Variants in KCNIP4 observed in about 807,000 individuals in gnomAD.
The protein encoded by KCNIP4 is potassium voltage-gated channel interacting protein 4.
A neutral mutation model predicts 34.0 loss-of-function variants in KCNIP4; 12 were observed. The observed-to-expected ratio is 0.35, with a 90% confidence interval of 0.23 to 0.57. KCNIP4 has a LOEUF of 0.57. Ranked by LOEUF, KCNIP4 falls within the 20% of genes least tolerant of loss-of-function variation. The pLI is 0.83. For missense variants in KCNIP4, 238 were observed against 311.7 expected (o/e 0.76, Z 1.78); for synonymous variants, 124 against 102.2 (o/e 1.21, Z -1.29).
At chr4:21,931,778 C>T (rs1427857889) in intron 1 of KCNIP4, among the ~76,000 whole-genome samples, 1 of 151,986 alleles carries the variant, frequency 6.6e-6, no homozygotes, top group Admixed American at 6.6e-5. Flanking sequence ...ATTTATAATC[C>T]TTTGGGTATA....
At chr4:21,016,924 T>C (rs1293714468) in intron 1 of KCNIP4, among the ~76,000 whole-genome samples, 1 of 152,232 alleles carries the variant, frequency 6.6e-6, no homozygotes, top group African/African-American at 2.4e-5. Context: ...GTAGACAAAA[T>C]GGTGCCTTCC....
intron 3 of KCNIP4, among the ~76,000 whole-genome samples, chr4:20,826,640 T>C (rs907292869): frequency 2.0e-5 from 3 of 151,992 alleles, no homozygotes; most frequent in Non-Finnish European, 2.9e-5. Flanking sequence ...GAGAGAGTGA[T>C]GGCTAAAGGA....
intron 1 of KCNIP4, among the ~76,000 whole-genome samples, chr4:20,895,468 GATGA>G (rs890454910): frequency 7.2e-5 from 11 of 152,196 alleles, no homozygotes; most frequent in Middle Eastern, 3.2e-3. Flanking sequence ...GAAGTTGGGA[GATGA>G]ATGAAGTAAT....
intron 1 of KCNIP4, among the ~76,000 whole-genome samples, chr4:20,979,433 C>G (rs1002694402): frequency 1.4e-5 from 2 of 145,748 alleles, no homozygotes; most frequent in Admixed American, 6.9e-5. Context: ...GAGTCTCACT[C>G]TGTCGCCCAG....
intron 1 of KCNIP4, among the ~76,000 whole-genome samples, chr4:21,682,873 A>C (rs1015897020): frequency 6.6e-6 from 1 of 152,184 alleles, no homozygotes; most frequent in African/African-American, 2.4e-5. Flanking sequence ...GGCACTCCAA[A>C]ACACTTACGA....
chr4:20,752,341 G>T (rs1179709929), intron 4 of KCNIP4, among the ~76,000 whole-genome samples: 2 of 152,066 alleles, frequency 1.3e-5, no homozygotes. Context: ...TTACAGGTGT[G>T]AGCCACCATG....
At chr4:21,516,557 T>C (rs1734777337) in intron 1 of KCNIP4, among the ~76,000 whole-genome samples, 1 of 152,140 alleles carries the variant, frequency 6.6e-6, no homozygotes, top group South Asian at 2.1e-4. Context: ...TTTAGGGTAC[T>C]TATAAAAAGG....
chr4:21,082,567 T>A (rs935618254), intron 1 of KCNIP4, among the ~76,000 whole-genome samples: 13 of 151,802 alleles, frequency 8.6e-5, no homozygotes, highest in African/African-American at 3.2e-4. Flanking sequence ...AAGTCTTACT[T>A]TCCACTCTAT....
At chr4:21,267,208 G>C (rs543281929) in intron 1 of KCNIP4, among the ~76,000 whole-genome samples, 18 of 152,298 alleles carry the variant, frequency 1.2e-4, no homozygotes, top group African/African-American at 7.2e-5. Context: ...AATATTCATA[G>C]TGACAGTCCT....
intron 1 of KCNIP4, among the ~76,000 whole-genome samples, chr4:21,618,636 T>C (rs202217629): frequency 2.4e-4 from 24 of 98,288 alleles, no homozygotes; most frequent in South Asian, 7.8e-4. Flanking sequence ...TTTTCTTTTT[T>C]TTTTTTTTTT....
chr4:21,060,784 T>C (rs986404502), intron 1 of KCNIP4, among the ~76,000 whole-genome samples: 1 of 152,180 alleles, frequency 6.6e-6, no homozygotes, highest in African/African-American at 2.4e-5. Flanking sequence ...CCTTAAAGAA[T>C]TGTTTGAAAG....
chr4:21,266,558 T>C (rs1006270516), intron 1 of KCNIP4, among the ~76,000 whole-genome samples: 3 of 152,184 alleles, frequency 2.0e-5, no homozygotes, highest in Non-Finnish European at 4.4e-5. Context: ...ATTTACAAAC[T>C]GGGCAAAAAC....
chr4:21,003,415 C>T (rs779141491), intron 1 of KCNIP4, among the ~76,000 whole-genome samples: 23 of 152,170 alleles, frequency 1.5e-4, no homozygotes, highest in African/African-American at 4.1e-4. Context: ...ATTTAACACA[C>T]GTATTGATTT....
chr4:20,755,813 G>A (rs908265492), intron 4 of KCNIP4, among the ~76,000 whole-genome samples: 14 of 152,136 alleles, frequency 9.2e-5, no homozygotes, highest in African/African-American at 3.4e-4. Context: ...GGGAACAGCA[G>A]GTTCAAAGGC....
At chr4:21,082,911 C>CTATT (rs1240692968) in intron 1 of KCNIP4, among the ~76,000 whole-genome samples, 1 of 149,664 alleles carries the variant, frequency 6.7e-6, no homozygotes, top group Admixed American at 6.7e-5. Context: ...ATCTATCTAT[C>CTATT]TAAAATTTAT....
chr4:21,489,321 G>GA (rs529825719), intron 1 of KCNIP4, among the ~76,000 whole-genome samples: 58,241 of 125,180 alleles, frequency 0.47, 13,454 homozygotes, highest in East Asian at 0.76. Flanking sequence ...ACATAGAGTT[G>GA]AAAAAAAAAA....
intron 2 of KCNIP4, among the ~76,000 whole-genome samples, chr4:20,876,591 A>T (rs1724064578): frequency 6.6e-6 from 1 of 151,578 alleles, no homozygotes. Context: ...TTGTTCTGAG[A>T]TGGAGTCTCA....
chr4:21,430,959 A>C, intron 1 of KCNIP4, among the ~76,000 whole-genome samples: 1 of 152,132 alleles, frequency 6.6e-6, no homozygotes, highest in Admixed American at 6.6e-5. Context: ...GGTTTTATTT[A>C]CAGAAAAACT....
At chr4:20,768,046 G>C (rs1405174310) in intron 3 of KCNIP4, among the ~76,000 whole-genome samples, 5 of 152,136 alleles carry the variant, frequency 3.3e-5, no homozygotes, top group Admixed American at 1.3e-4. Flanking sequence ...ATAATTGCAG[G>C]AGAATTTTCA....
Sources: gnomAD v4.1 joint callset for allele counts (sites outside exome capture counted in the v4.1 genomes callset) on GRCh38, gnomAD v4.1.1 for gene constraint, MANE v1.5 for transcripts, NCBI Gene and HGNC (gene_info 2026-07-23, HGNC 2026-07-21) for gene names.